ABI3BP: variants seen among roughly 807,000 people sequenced by gnomAD.
The protein encoded by ABI3BP is target of Nesh-SH3.
ABI3BP carries 216 observed loss-of-function variants against 268.6 expected under a neutral mutation model. The ratio of observed to expected loss-of-function variants is 0.80; its 90% confidence interval spans 0.72 to 0.90. ABI3BP has a LOEUF of 0.90. Among genes scored for constraint, ABI3BP ranks in the 40% least tolerant of loss-of-function variants. The pLI, the probability that ABI3BP is intolerant of heterozygous loss-of-function variation, is 0.00. For missense variants in ABI3BP, 2,090 were observed against 2,182.4 expected (o/e 0.96, Z 0.84); for synonymous variants, 730 against 730.0 (o/e 1.00, Z 0.00).
intron 1 of ABI3BP, among the ~76,000 whole-genome samples, chr3:100,992,064 T>A (rs931713616): frequency 6.6e-6 from 1 of 152,242 alleles, no homozygotes; most frequent in African/African-American, 2.4e-5. Flanking sequence ...TTTATTTAAA[T>A]CACAGTTTTA....
chr3:100,823,580 C>T (rs2098288572), intron 36 of ABI3BP, 66 bp from the exon 37 acceptor site: 3 of 1,257,412 alleles, frequency 2.4e-6, no homozygotes, highest in Admixed American at 2.6e-5. Context: ...CACTCACATG[C>T]AAACAAATTT....
At chr3:100,852,447 A>G (rs937153597) in intron 14 of ABI3BP, among the ~76,000 whole-genome samples, 1 of 152,152 alleles carries the variant, frequency 6.6e-6, no homozygotes, top group Non-Finnish European at 1.5e-5. Context: ...AACTTATTGA[A>G]CCCTTTTAAC....
At chr3:100,847,194 A>G (rs1276218959) in intron 19 of ABI3BP, among the ~76,000 whole-genome samples, 1 of 152,254 alleles carries the variant, frequency 6.6e-6, no homozygotes, top group Admixed American at 6.5e-5. Context: ...GTATAATGCT[A>G]TGATCTGAAG....
intron 61 of ABI3BP, among the ~76,000 whole-genome samples, chr3:100,771,268 A>C (rs2096536805): frequency 6.6e-6 from 1 of 152,246 alleles, no homozygotes; most frequent in South Asian, 2.1e-4. Flanking sequence ...GGGAATAATT[A>C]GCTCTATACT....
chr3:100,978,858 A>G (rs1331921904), intron 1 of ABI3BP, among the ~76,000 whole-genome samples: 1 of 152,208 alleles, frequency 6.6e-6, no homozygotes, highest in African/African-American at 2.4e-5. Flanking sequence ...CATCAGTGAT[A>G]GTTGTTTAAC....
intron 34 of ABI3BP, among the ~76,000 whole-genome samples, chr3:100,827,084 G>A (rs2098400747): frequency 6.6e-6 from 1 of 152,064 alleles, no homozygotes. Context: ...TCCTGGCTCT[G>A]TTGAAACCCA....
At chr3:100,852,143 C>T (rs1324210430) in intron 14 of ABI3BP, among the ~76,000 whole-genome samples, 4 of 152,054 alleles carry the variant, frequency 2.6e-5, no homozygotes, top group South Asian at 2.1e-4. Context: ...TGCTCTGAAC[C>T]GCAGGATTTT....
intron 2 of ABI3BP, among the ~76,000 whole-genome samples, chr3:100,917,773 G>A (rs998353533): frequency 6.6e-6 from 1 of 152,100 alleles, no homozygotes; most frequent in African/African-American, 2.4e-5. Context: ...AGATAGACTT[G>A]GTGACAGTTT....
At chr3:100,860,763 A>C (rs1019345524) in intron 14 of ABI3BP, among the ~76,000 whole-genome samples, 1 of 152,224 alleles carries the variant, frequency 6.6e-6, no homozygotes, top group Non-Finnish European at 1.5e-5. Flanking sequence ...AACCCAAAAG[A>C]ACCCCATGTT....
In ABI3BP at chr3:100,969,788, C is replaced by A. The variant is rs1208033128; in HGVS notation, c.79+23518G>T. On this transcript the variant is annotated intron_variant, in intron 1 of 67. Coordinates refer to ENST00000471714, the MANE Select transcript of ABI3BP (RefSeq NM_001375547.2). ...AGTGTTAACTCATTTTTTTGTAGAC[C>A]ATTTGCCAAGAGCCAGAGGAAATCC... Among the ~76,000 whole-genome samples the A allele has an allele frequency of 2.0e-5, 3 of 151,908 alleles. No individual in the cohort carries two copies. The East Asian group carries it at 5.8e-4, about 29-fold the overall frequency.
chr3:100,880,138 C>T (rs943868889), intron 6 of ABI3BP, among the ~76,000 whole-genome samples: 3 of 152,146 alleles, frequency 2.0e-5, no homozygotes, highest in African/African-American at 7.2e-5. Flanking sequence ...TTATTACGAA[C>T]AGCTATTAAT....
At chr3:100,769,936 G>A (rs907096504) in intron 62 of ABI3BP, among the ~76,000 whole-genome samples, 3 of 152,180 alleles carry the variant, frequency 2.0e-5, no homozygotes, top group African/African-American at 4.8e-5. Context: ...TTTTCCATGT[G>A]CAGTAGGAAA....
At chr3:100,751,388 G>C (rs895151320) in intron 67 of ABI3BP, among the ~76,000 whole-genome samples, 164 bp downstream of exon 67, 1 of 152,058 alleles carries the variant, frequency 6.6e-6, no homozygotes, top group Non-Finnish European at 1.5e-5. Flanking sequence ...CTTGGCTCCA[G>C]GTTTCTAAGC....
intron 2 of ABI3BP, among the ~76,000 whole-genome samples, chr3:100,917,813 C>T (rs138091031): frequency 3.3e-5 from 5 of 152,156 alleles, no homozygotes; most frequent in African/African-American, 1.2e-4. Context: ...ACCATGAAAA[C>T]ATTGTAGTTG....
At chr3:100,962,085 G>A (rs965497275) in intron 1 of ABI3BP, among the ~76,000 whole-genome samples, 1 of 152,142 alleles carries the variant, frequency 6.6e-6, no homozygotes, top group Non-Finnish European at 1.5e-5. Context: ...CTAATCTCAA[G>A]TGGGTCCTCA....
intron 14 of ABI3BP, among the ~76,000 whole-genome samples, chr3:100,856,683 G>T (rs1386025457): frequency 6.6e-6 from 1 of 152,156 alleles, no homozygotes; most frequent in Non-Finnish European, 1.5e-5. Flanking sequence ...GGTACTCAAT[G>T]ATGGTCTTTT....
chr3:100,798,353 A>T (rs2097417764), intron 51 of ABI3BP, among the ~76,000 whole-genome samples: 1 of 152,150 alleles, frequency 6.6e-6, no homozygotes, highest in African/African-American at 2.4e-5. Context: ...AGTAATATGA[A>T]TCATTCTCCT....
intron 2 of ABI3BP, among the ~76,000 whole-genome samples, chr3:100,923,326 T>C (rs1443501127): frequency 1.3e-5 from 2 of 152,194 alleles, no homozygotes; most frequent in African/African-American, 2.4e-5. Flanking sequence ...GTCTATTCAA[T>C]TCTGTGGCAC....
chr3:100,943,497 T>TTTATCAAGA lies in ABI3BP; in HGVS notation c.80-17025_80-17017dup, dbSNP rs560014077. 3.9e-5 allele frequency among the ~76,000 whole-genome samples: 6 copies of TTTATCAAGA among 152,236 alleles called. No homozygotes were observed. The East Asian group carries it at 1.2e-3, about 29-fold the overall frequency. On this transcript the variant is annotated intron_variant, in intron 1 of 67. Coordinates refer to ENST00000471714, the MANE Select transcript of ABI3BP (RefSeq NM_001375547.2). The stretch of plus-strand genomic sequence containing the variant: ...GCCATACATCTGTGTAACCCAAACC[T>TTTATCAAGA]TTATCAAGATTTATAATATCATCAT...
Sources: gnomAD v4.1 joint callset for allele counts (sites outside exome capture counted in the v4.1 genomes callset) on GRCh38, gnomAD v4.1.1 for gene constraint, MANE v1.5 for transcripts, NCBI Gene and HGNC (gene_info 2026-07-23, HGNC 2026-07-21) for gene names.